HEXB: variants seen among roughly 807,000 people sequenced by gnomAD.
The protein encoded by HEXB is beta-hexosaminidase subunit beta.
In HEXB, 51 loss-of-function variants were observed where a neutral mutation model predicts 71.2. The ratio of observed to expected loss-of-function variants is 0.72; its 90% CI spans 0.57 to 0.90. The LOEUF (loss-of-function observed/expected upper bound fraction) is 0.90, where lower values mean the gene tolerates loss of function less well. Among genes scored for constraint, HEXB ranks in the 40% least tolerant of loss-of-function variants. HEXB has a pLI of 0.00. For synonymous variants in HEXB, 266 were observed against 249.3 expected (o/e 1.07, Z -0.63); for missense variants, 617 against 677.0 (o/e 0.91, Z 0.98).
chr5:74,645,504 A>G (rs1054161699), intron 1 of HEXB, among the ~76,000 whole-genome samples: 11 of 152,210 alleles, frequency 7.2e-5, no homozygotes, highest in African/African-American at 2.7e-4. Flanking sequence ...ACTAAGCACC[A>G]CTGTTCGTGT....
chr5:74,642,749 C>T (rs945922830), intron 1 of HEXB, among the ~76,000 whole-genome samples: 9 of 151,938 alleles, frequency 5.9e-5, no homozygotes, highest in African/African-American at 1.2e-4. Flanking sequence ...CTAGAAATTG[C>T]GGGATGTCCT....
In HEXB at chr5:74,713,545, G is replaced by A. The variant is rs776414804; in HGVS notation, c.811G>A (p.Val271Ile). ...SLSHVYTPND[V>I]RMVIEYARLR... ...GTCTCATGTTTATACACCAAATGATGTCCGTATGGTGATTGAATATGCCAG... is the reference window on the plus strand; with the variant it reads ...GTCTCATGTTTATACACCAAATGATATCCGTATGGTGATTGAATATGCCAG... Residue 271 changes from valine to isoleucine, a missense_variant, in exon 7 of 14, where the codon GTC becomes ATC. By Grantham distance (29) the Val-to-Ile change is conservative. Coordinates refer to ENST00000261416, the MANE Select transcript of HEXB (RefSeq NM_000521.4). 2.5e-6 allele frequency: 4 copies of A among 1,608,374 alleles called. No individual in the cohort carries two copies. The Admixed American group carries it at 6.7e-5, about 27-fold the overall frequency.
At chr5:74,640,402 G>A (rs1747814657) in exon 1 of HEXB, 1 of 152,346 alleles carries the variant, frequency 6.6e-6, no homozygotes, top group African/African-American at 2.4e-5. Flanking sequence ...GGAAGCGGTG[G>A]CGAATGCCCC....
In HEXB at chr5:74,688,359, T is replaced by G; in HGVS notation, c.300-969T>G. 1.4e-5 allele frequency among the ~76,000 whole-genome samples: 2 copies of G among 146,190 alleles called. 1 individual carries two copies. Reference sequence around the variant, plus strand: ...TACTTTTTTTTTTTTTGAGATGGAGTCTCGTTCTGTCACCCAGGCTGGAGT... The same window carrying G: ...TACTTTTTTTTTTTTTGAGATGGAGGCTCGTTCTGTCACCCAGGCTGGAGT... On this transcript the variant is annotated intron_variant, in intron 1 of 13. Transcript: ENST00000261416.
chr5:74,675,401 G>A (rs1748613166), intron 1 of HEXB, among the ~76,000 whole-genome samples: 1 of 152,168 alleles, frequency 6.6e-6, no homozygotes, highest in Admixed American at 6.5e-5. Context: ...TCAGGTCTCA[G>A]AGCCTGACTA....
At position 74,712,247 on chromosome 5, in the gene HEXB, C is replaced by G. The variant is rs1252404816; in HGVS notation, c.772-1259C>G. Among the ~76,000 whole-genome samples, 20 of 141,900 alleles carry G rather than the reference C, an allele frequency of 1.4e-4. No individual in the cohort carries two copies. The Admixed American group carries it at 1.5e-3, about 11-fold the overall frequency. The allele number at this position is 141,900 out of a possible 152,430, so 93.1% of individuals were successfully genotyped here. ...ATTGAACAATGAGAACACATGGACA[C>G]AGGAAGGGGAACATCACACACTGGG... On this transcript the variant is annotated intron_variant, in intron 6 of 13. Coordinates refer to ENST00000261416, the MANE Select transcript of HEXB (RefSeq NM_000521.4).
rs539438175 is a variant in HEXB, at chr5:74,703,109, C to T, written c.670-2110C>T. Reference sequence around the variant, plus strand: ...CTGGAGTTACAGGCATCCGCCACCACGCCCAGCTAATTTTTCTATTTTTAG... The same window carrying T: ...CTGGAGTTACAGGCATCCGCCACCATGCCCAGCTAATTTTTCTATTTTTAG... On this transcript the variant is annotated intron_variant, in intron 5 of 13. Coordinates refer to ENST00000261416, the MANE Select transcript of HEXB (RefSeq NM_000521.4). 3.6e-3 allele frequency among the ~76,000 whole-genome samples: 553 copies of T among 152,270 alleles called. 2 individuals carry two copies. Among genetic ancestry groups the T allele is most frequent in the African/African-American group, 0.013 (532 of 41,540 alleles).
intron 1 of HEXB, 87 bp from the exon 2 acceptor site, chr5:74,689,241 G>A (rs1748940924): frequency 1.0e-6 from 1 of 956,752 alleles, no homozygotes; most frequent in African/African-American, 1.6e-5. Flanking sequence ...TGGATTTGAG[G>A]AGTTAACTAC....
chr5:74,665,406 A>T (rs1312364195), intron 1 of HEXB, among the ~76,000 whole-genome samples: 1 of 142,908 alleles, frequency 7.0e-6, no homozygotes, highest in Non-Finnish European at 1.6e-5. Flanking sequence ...GCCCACGCAC[A>T]CTTTTCTCTG....
intron 1 of HEXB, among the ~76,000 whole-genome samples, chr5:74,687,714 A>G (rs1748905180): frequency 6.6e-6 from 1 of 151,936 alleles, no homozygotes; most frequent in African/African-American, 2.4e-5. Flanking sequence ...AATACACATA[A>G]CATAAAATTT....
chr5:74,716,834 A>G, intron 9 of HEXB, 161 bp downstream of exon 9: 1 of 544,712 alleles, frequency 1.8e-6, no homozygotes, highest in African/African-American at 1.9e-5. Flanking sequence ...AATCAGTAAC[A>G]TGGTGACTCC....
intron 3 of HEXB, among the ~76,000 whole-genome samples, chr5:74,694,838 C>T (rs982121900): frequency 2.6e-5 from 4 of 151,720 alleles, no homozygotes; most frequent in Admixed American, 6.6e-5. Context: ...GGCATGGTGG[C>T]GCATGCCTGT....
chr5:74,679,007 T>G (rs1748686774), intron 1 of HEXB, among the ~76,000 whole-genome samples: 2 of 152,204 alleles, frequency 1.3e-5, no homozygotes, highest in Admixed American at 6.5e-5. Flanking sequence ...TGTAGAGAAA[T>G]GGATACTCAT....
intron 1 of HEXB, among the ~76,000 whole-genome samples, chr5:74,655,206 T>C (rs780775850): frequency 3.9e-5 from 6 of 152,166 alleles, no homozygotes; most frequent in Non-Finnish European, 8.8e-5. Context: ...GACATGGTTG[T>C]TCATAACAGG....
intron 3 of HEXB, among the ~76,000 whole-genome samples, chr5:74,696,009 C>CAAG: frequency 6.6e-6 from 1 of 152,204 alleles, no homozygotes; most frequent in Non-Finnish European, 1.5e-5. Flanking sequence ...AGTTATTCTT[C>CAAG]CCAGCATGAA....
chr5:74,664,448 A>AC (rs1554033115), intron 1 of HEXB, among the ~76,000 whole-genome samples: 10 of 126,540 alleles, frequency 7.9e-5, no homozygotes, highest in African/African-American at 2.6e-4. Flanking sequence ...AAAAAAAAAA[A>AC]AAAAACAGAG....
chr5:74,676,904 T>C lies in HEXB; in HGVS notation c.-376-12424T>C, dbSNP rs549218231. ...TTTGTTTGTTTTGTTTTGTTTTGTTTGAGACGGAGTCTCACTCTGTCACCC... is the reference window on the plus strand; with the variant it reads ...TTTGTTTGTTTTGTTTTGTTTTGTTCGAGACGGAGTCTCACTCTGTCACCC... On this transcript the variant is annotated intron_variant, in intron 1 of 13. Transcript: ENST00000511181. Among the ~76,000 whole-genome samples, 7 of 152,248 alleles carry C rather than the reference T, an allele frequency of 4.6e-5. No individual in the cohort carries two copies. The East Asian group carries it at 1.2e-3, about 25-fold the overall frequency.
chr5:74,687,248 A>G (rs1386616597), intron 1 of HEXB, among the ~76,000 whole-genome samples: 1 of 152,230 alleles, frequency 6.6e-6, no homozygotes, highest in Non-Finnish European at 1.5e-5. Context: ...ATCTCAGAGT[A>G]AAAGCACAGT....
chr5:74,721,238 T>C lies in HEXB; in HGVS notation c.*63T>C. 1 of 1,229,664 alleles carries C rather than the reference T, an allele frequency of 8.1e-7. No individual in the cohort carries two copies. Among genetic ancestry groups the C allele is most frequent in the South Asian group, 1.2e-5 (1 of 82,790 alleles). The allele number at this position is 1,229,664 out of a possible 1,614,324, so 76.2% of individuals were successfully genotyped here. ...CAATCAACTTTATTTTGAAATCATG[T>C]AAAATAAGATATTAGACTGTTTTTT... is the stretch of plus-strand genomic sequence containing the variant. On this transcript the variant is annotated 3_prime_UTR_variant, in exon 14 of 14. Transcript: ENST00000261416.
Sources: allele counts gnomAD v4.1 joint callset (sites outside exome capture counted in the v4.1 genomes callset), GRCh38; gene constraint gnomAD v4.1.1; transcripts MANE v1.5; gene names NCBI Gene and HGNC (gene_info 2026-07-23, HGNC 2026-07-21).